SPATA31H1: variants seen among roughly 807,000 people sequenced by gnomAD.
SPATA31H1 encodes the protein SPATA31 subfamily H member 1, also known as spermatogenesis-associated protein 31H1.
the SPATA31H1 span, chr2:27,582,125 G>A: frequency 5.0e-6 from 8 of 1,613,266 alleles, no homozygotes; most frequent in Non-Finnish European, 6.8e-6. Flanking sequence ...CCTCAGAGAA[G>A]AGCCACCTCA....
chr2:27,582,578 C>G, the SPATA31H1 span: 1 of 1,506,944 alleles, frequency 6.6e-7, no homozygotes, highest in African/African-American at 1.4e-5. Context: ...TCGTGCTGCC[C>G]TTTCCAGGCT....
the SPATA31H1 span, chr2:27,581,120 C>T: frequency 6.2e-7 from 1 of 1,614,198 alleles, no homozygotes; most frequent in Non-Finnish European, 8.5e-7. Flanking sequence ...GAGGAAGAAT[C>T]CTACCTGGTT....
the SPATA31H1 span, among the ~76,000 whole-genome samples, chr2:27,561,433 A>C: frequency 0.21 from 32,612 of 152,198 alleles, 3,699 homozygotes; most frequent in East Asian, 0.35. Flanking sequence ...AAGTGAATTA[A>C]CATATCCATC....
chr2:27,582,408 C>G, the SPATA31H1 span: 5 of 1,614,108 alleles, frequency 3.1e-6, no homozygotes, highest in South Asian at 3.3e-5. Flanking sequence ...GTACAGTTTC[C>G]CTGGAGAGAG....
At chr2:27,538,830 CA>C in the SPATA31H1 span, among the ~76,000 whole-genome samples, 80 of 138,138 alleles carry the variant, frequency 5.8e-4, no homozygotes, top group Admixed American at 4.4e-4. Flanking sequence ...GACTCTGTCT[CA>C]AAAAAAAAAA....
the SPATA31H1 span, among the ~76,000 whole-genome samples, chr2:27,552,451 TGTTTATCCTTATGCCA>T: frequency 6.6e-6 from 1 of 152,070 alleles, no homozygotes; most frequent in Non-Finnish European, 1.5e-5. Flanking sequence ...TAGATCTATA[TGTTTATCCTTATGCCA>T]GTACCACACT....
the SPATA31H1 span, among the ~76,000 whole-genome samples, chr2:27,552,587 T>A: frequency 6.6e-6 from 1 of 152,070 alleles, no homozygotes; most frequent in Non-Finnish European, 1.5e-5. Context: ...TAATTCCATA[T>A]GAATTTTAGG....
At chr2:27,540,691 C>T in the SPATA31H1 span, among the ~76,000 whole-genome samples, 4 of 136,906 alleles carry the variant, frequency 2.9e-5, no homozygotes, top group African/African-American at 1.1e-4. Context: ...CGGGCAGAGA[C>T]GCTCCTCACC....
the SPATA31H1 span, chr2:27,581,939 C>A: frequency 4.3e-6 from 7 of 1,612,884 alleles, no homozygotes; most frequent in South Asian, 1.1e-5. Flanking sequence ...CAGAGAAAAG[C>A]CATCACAGTC....
At chr2:27,561,707 C>T in the SPATA31H1 span, among the ~76,000 whole-genome samples, 31 of 152,086 alleles carry the variant, frequency 2.0e-4, no homozygotes, top group African/African-American at 6.5e-4. Context: ...TTTCCCATAA[C>T]CATTTTTTTT....
the SPATA31H1 span, among the ~76,000 whole-genome samples, chr2:27,550,662 G>T: frequency 1.3e-5 from 2 of 151,658 alleles, no homozygotes; most frequent in Non-Finnish European, 2.9e-5. Flanking sequence ...CAGGTGATCT[G>T]CCTGCCTTGA....
the SPATA31H1 span, chr2:27,569,279 C>T: frequency 2.5e-6 from 1 of 398,944 alleles, no homozygotes; most frequent in South Asian, 1.3e-4. Context: ...AGTTTGTTTA[C>T]TGCAATCTAG....
the SPATA31H1 span, chr2:27,578,635 C>T: frequency 3.1e-6 from 5 of 1,614,046 alleles, no homozygotes; most frequent in South Asian, 5.5e-5. Flanking sequence ...GTGAAATCTA[C>T]AGTGATAAAA....
At chr2:27,557,908 G>A in the SPATA31H1 span, among the ~76,000 whole-genome samples, 2 of 13,682 alleles carry the variant, frequency 1.5e-4, no homozygotes, top group Admixed American at 7.7e-4. Context: ...CTGGCCGGGC[G>A]GGGGGCTGAC....
chr2:27,565,215 T>C, the SPATA31H1 span: 3 of 630,722 alleles, frequency 4.8e-6, no homozygotes, highest in Non-Finnish European at 5.7e-6. Context: ...ATGCCAACTG[T>C]ATCAATATCT....
At chr2:27,539,652 G>C in the SPATA31H1 span, among the ~76,000 whole-genome samples, 2 of 102,086 alleles carry the variant, frequency 2.0e-5, no homozygotes, top group African/African-American at 3.9e-5. Context: ...AGACGGGGCC[G>C]TGGCCGGGCA....
the SPATA31H1 span, chr2:27,578,898 C>T: frequency 6.2e-7 from 1 of 1,614,154 alleles, no homozygotes; most frequent in Middle Eastern, 1.6e-4. Context: ...AGATATTTTG[C>T]AGCCTGAAGA....
the SPATA31H1 span, chr2:27,568,367 T>G: frequency 2.5e-6 from 1 of 398,796 alleles, no homozygotes; most frequent in Non-Finnish European, 4.4e-6. Context: ...GGTCACAAAG[T>G]CAAGTCATGG....
At chr2:27,555,637 G>A in the SPATA31H1 span, among the ~76,000 whole-genome samples, 60 of 151,900 alleles carry the variant, frequency 3.9e-4, 1 homozygote, top group African/African-American at 1.0e-3. Flanking sequence ...TTGTGTCACC[G>A]CACTGCAGTG....
Sources: allele counts gnomAD v4.1 joint callset (sites outside exome capture counted in the v4.1 genomes callset), GRCh38; gene constraint gnomAD v4.1.1; transcripts MANE v1.5; gene names NCBI Gene and HGNC (gene_info 2026-07-23, HGNC 2026-07-21).